MKLN1: variants seen among roughly 807,000 people sequenced by gnomAD.
The protein encoded by MKLN1 is muskelin 1, also known as muskelin.
Under a neutral mutation model 99.0 loss-of-function variants are expected in MKLN1, and 18 were observed. The observed-to-expected ratio is 0.18, with a 90% CI of 0.13 to 0.27. The LOEUF (loss-of-function observed/expected upper bound fraction) is 0.27, where lower values mean the gene tolerates loss of function less well. MKLN1 is among the 10% of genes least tolerant of loss of function. The probability of loss-of-function intolerance (pLI) is 1.00; values close to 1 mark genes in which losing one functional copy is unlikely to be tolerated. For synonymous variants in MKLN1, 288 were observed against 293.2 expected (o/e 0.98, Z 0.18); for missense variants, 621 against 875.9 (o/e 0.71, Z 3.67).
chr7:131,365,834 T>C (rs1479732999), intron 1 of MKLN1, among the ~76,000 whole-genome samples: 1 of 152,170 alleles, frequency 6.6e-6, no homozygotes, highest in Admixed American at 6.5e-5. Flanking sequence ...TAAAAAATAC[T>C]TTGTGATCCC....
intron 3 of MKLN1, among the ~76,000 whole-genome samples, chr7:131,260,976 T>C (rs2116535775): frequency 6.6e-6 from 1 of 152,278 alleles, no homozygotes; most frequent in East Asian, 1.9e-4. Context: ...TTCTTTATAT[T>C]GTATACAAAA....
intron 1 of MKLN1, among the ~76,000 whole-genome samples, chr7:131,128,806 C>T (rs1260556509): frequency 1.3e-5 from 2 of 151,290 alleles, no homozygotes; most frequent in Non-Finnish European, 2.9e-5. Context: ...CCCTATGTTG[C>T]CCAGCCTGGT....
chr7:131,451,888 C>T (rs1796189189), intron 12 of MKLN1, among the ~76,000 whole-genome samples: 2 of 152,144 alleles, frequency 1.3e-5, no homozygotes, highest in African/African-American at 4.8e-5. Context: ...TCTATAGAAA[C>T]TCAGTCTACT....
intron 3 of MKLN1, among the ~76,000 whole-genome samples, chr7:131,249,597 C>T (rs1797546299): frequency 6.6e-6 from 1 of 152,048 alleles, no homozygotes; most frequent in Non-Finnish European, 1.5e-5. Flanking sequence ...GGGACAAGCA[C>T]AGGAAGCATT....
At chr7:131,177,189 G>A (rs991694356) in intron 2 of MKLN1, among the ~76,000 whole-genome samples, 3 of 152,102 alleles carry the variant, frequency 2.0e-5, no homozygotes, top group African/African-American at 7.2e-5. Context: ...AAAAGATTGG[G>A]CAGGGCGCAG....
chr7:131,120,448 C>A (rs1795348048), intron 1 of MKLN1, among the ~76,000 whole-genome samples: 1 of 143,756 alleles, frequency 7.0e-6, no homozygotes, highest in African/African-American at 2.6e-5. Context: ...ACTCGGGAGG[C>A]TGAGGCAAGA....
At chr7:131,452,969 C>T (rs1437493979) in intron 12 of MKLN1, among the ~76,000 whole-genome samples, 5 of 152,088 alleles carry the variant, frequency 3.3e-5, no homozygotes, top group African/African-American at 9.7e-5. Flanking sequence ...AAAATGGTAG[C>T]GCTTATTTTC....
intron 2 of MKLN1, among the ~76,000 whole-genome samples, chr7:131,161,867 T>C (rs768354660): frequency 6.6e-6 from 1 of 151,676 alleles, no homozygotes; most frequent in Non-Finnish European, 1.5e-5. Context: ...GGGATGCTGC[T>C]GTGCTGATTA....
At chr7:131,158,040 C>T (rs1412177294) in intron 2 of MKLN1, among the ~76,000 whole-genome samples, 2 of 152,196 alleles carry the variant, frequency 1.3e-5, no homozygotes, top group East Asian at 3.8e-4. Context: ...AACAATCCTC[C>T]GCAAGCTCTT....
chr7:131,486,206 G>T (rs1797270286), intron 17 of MKLN1, among the ~76,000 whole-genome samples: 1 of 151,042 alleles, frequency 6.6e-6, no homozygotes. Context: ...CTTTTCTGTG[G>T]GTTTGAAATT....
chr7:131,170,486 G>A (rs1796199776), intron 2 of MKLN1, among the ~76,000 whole-genome samples: 1 of 152,194 alleles, frequency 6.6e-6, no homozygotes, highest in Non-Finnish European at 1.5e-5. Flanking sequence ...AATTGCTGTG[G>A]CTGTTATACC....
chr7:131,252,221 T>C lies in MKLN1; in HGVS notation c.-179+49247T>C, dbSNP rs139511334. ...GCATGGTGTCCACCACGAAGAACAGTAGGGGGAAAAACAATGGACTTGATT... is the reference window on the plus strand; with the variant it reads ...GCATGGTGTCCACCACGAAGAACAGCAGGGGGAAAAACAATGGACTTGATT... On this transcript the variant is annotated intron_variant, in intron 3 of 7. Coordinates refer to the MKLN1 transcript ENST00000416992. Among the ~76,000 whole-genome samples the C allele has an allele frequency of 4.4e-4, 66 of 151,708 alleles. 1 individual carries two copies. The highest frequency in any genetic ancestry group is 3.3e-3 in the Admixed American group (50 of 15,228).
chr7:131,442,240 A>T (rs935053125), intron 10 of MKLN1, among the ~76,000 whole-genome samples: 1 of 152,186 alleles, frequency 6.6e-6, no homozygotes, highest in Non-Finnish European at 1.5e-5. Context: ...ACAGTTTTTT[A>T]AAACAACATT....
chr7:131,374,642 C>G (rs1331041721), intron 1 of MKLN1, among the ~76,000 whole-genome samples: 2 of 152,134 alleles, frequency 1.3e-5, no homozygotes, highest in African/African-American at 2.4e-5. Context: ...GTATATAGCT[C>G]TGCTTGCCTT....
At chr7:131,470,231 A>C (rs1312014984) in intron 15 of MKLN1, among the ~76,000 whole-genome samples, 2 of 152,192 alleles carry the variant, frequency 1.3e-5, no homozygotes, top group African/African-American at 2.4e-5. Context: ...TATTGTGAGA[A>C]TAGATGAAGT....
At chr7:131,189,115 T>C (rs1303815932) in intron 2 of MKLN1, among the ~76,000 whole-genome samples, 1 of 152,152 alleles carries the variant, frequency 6.6e-6, no homozygotes, top group Admixed American at 6.5e-5. Context: ...AAGCAATAAC[T>C]CAACTAAACA....
chr7:131,169,953 G>A (rs1796192665), intron 2 of MKLN1, among the ~76,000 whole-genome samples: 1 of 152,156 alleles, frequency 6.6e-6, no homozygotes, highest in South Asian at 2.1e-4. Context: ...ACCTAGGCAT[G>A]GTGGTTGACA....
chr7:131,120,304 T>A (rs1017686493), intron 1 of MKLN1, among the ~76,000 whole-genome samples: 3 of 151,116 alleles, frequency 2.0e-5, no homozygotes, highest in African/African-American at 7.3e-5. Flanking sequence ...GGCGGGTGGA[T>A]CACGAGGTCA....
At chr7:131,478,159 T>C (rs1584783476) in intron 16 of MKLN1, among the ~76,000 whole-genome samples, 1 of 152,334 alleles carries the variant, frequency 6.6e-6, no homozygotes, top group East Asian at 1.9e-4. Flanking sequence ...GGTCTATACA[T>C]GCTTTTTTTC....
Sources: gnomAD v4.1 joint callset for allele counts (sites outside exome capture counted in the v4.1 genomes callset) on GRCh38, gnomAD v4.1.1 for gene constraint, MANE v1.5 for transcripts, NCBI Gene and HGNC (gene_info 2026-07-23, HGNC 2026-07-21) for gene names.